The following HERC4 variants were observed in gnomAD, a reference collection of about 807,000 sequenced individuals.
HERC4 encodes HECT and RLD domain containing E3 ubiquitin protein ligase 4, also known as probable E3 ubiquitin-protein ligase HERC4.
In HERC4, 28 loss-of-function variants were observed where a neutral mutation model predicts 124.3. The ratio of observed to expected loss-of-function variants is 0.23; its 90% CI spans 0.17 to 0.31. HERC4 has a LOEUF of 0.31. Ranked by LOEUF, HERC4 falls within the 10% of genes least tolerant of loss-of-function variation. The pLI, the probability that HERC4 is intolerant of heterozygous loss-of-function variation, is 1.00. For synonymous variants in HERC4, 407 were observed against 421.5 expected, an observed-to-expected ratio of 0.97 and a Z score of 0.42; for missense variants, 713 against 1,229.3, an observed-to-expected ratio of 0.58 and a Z score of 6.28.
chr10:68,053,148 T>C (rs1589430383), intron 3 of HERC4, among the ~76,000 whole-genome samples: 1 of 152,182 alleles, frequency 6.6e-6, no homozygotes, highest in Admixed American at 6.5e-5. Context: ...ACCATGAACA[T>C]TGACTTAGCA....
intron 8 of HERC4, among the ~76,000 whole-genome samples, chr10:68,016,478 A>G (rs2038275157): frequency 6.6e-6 from 1 of 152,022 alleles, no homozygotes; most frequent in Non-Finnish European, 1.5e-5. Flanking sequence ...TCAGCCTCCC[A>G]AGTGGCTGGG....
In HERC4 at chr10:68,006,339, T is replaced by C. The variant is rs560313147; in HGVS notation, c.1069+7687A>G. 1.4e-4 allele frequency among the ~76,000 whole-genome samples: 22 copies of C among 152,028 alleles called. No homozygotes were observed. The South Asian group carries it at 4.6e-3, about 32-fold the overall frequency. Reference sequence around the variant, plus strand: ...CATTTCTTATAGTACAGGTCTGCTGTTGATGAAACGCCTCAGCGTTTTTGT... The same window carrying C: ...CATTTCTTATAGTACAGGTCTGCTGCTGATGAAACGCCTCAGCGTTTTTGT... On this transcript the variant is annotated intron_variant, in intron 9 of 24. Transcript: ENST00000373700.
At chr10:67,927,921 TGTCA>T (rs1305797264) in intron 23 of HERC4, among the ~76,000 whole-genome samples, 1 of 152,074 alleles carries the variant, frequency 6.6e-6, no homozygotes, top group East Asian at 1.9e-4. Context: ...AGTAAAATTA[TGTCA>T]AATCCAAAGA....
intron 5 of HERC4, among the ~76,000 whole-genome samples, chr10:68,035,560 G>A (rs1395043917): frequency 6.6e-6 from 1 of 152,128 alleles, no homozygotes; most frequent in Admixed American, 6.5e-5. Flanking sequence ...TAAAAATGCA[G>A]ATTTGATAAT....
chr10:67,934,571 C>T (rs541262361), intron 22 of HERC4, among the ~76,000 whole-genome samples: 2 of 152,246 alleles, frequency 1.3e-5, no homozygotes, highest in South Asian at 4.2e-4. Context: ...AGACAGAACA[C>T]ATCCTCCAGT....
At chr10:68,029,110 CAT>C (rs2039057045) in intron 7 of HERC4, among the ~76,000 whole-genome samples, 1 of 152,008 alleles carries the variant, frequency 6.6e-6, no homozygotes, top group Non-Finnish European at 1.5e-5. Flanking sequence ...AGAATTCGGT[CAT>C]AGCTTCAGTG....
At chr10:68,054,427 C>T (rs2040456044) in intron 3 of HERC4, among the ~76,000 whole-genome samples, 1 of 150,094 alleles carries the variant, frequency 6.7e-6, no homozygotes, top group Non-Finnish European at 1.5e-5. Context: ...AATCTCAGCT[C>T]ACGGCAACCT....
At chr10:68,049,050 G>A (rs1589419626) in intron 3 of HERC4, among the ~76,000 whole-genome samples, 1 of 151,856 alleles carries the variant, frequency 6.6e-6, no homozygotes, top group Non-Finnish European at 1.5e-5. Flanking sequence ...CCAATTCCAG[G>A]AATTTGTTCT....
chr10:68,057,108 A>G (rs2040587018), intron 3 of HERC4, among the ~76,000 whole-genome samples: 3 of 151,552 alleles, frequency 2.0e-5, no homozygotes, highest in Admixed American at 2.0e-4. Flanking sequence ...ACATCCATGT[A>G]ATATATATAT....
At chr10:67,999,774 A>G (rs975890129) in intron 9 of HERC4, among the ~76,000 whole-genome samples, 2 of 152,210 alleles carry the variant, frequency 1.3e-5, no homozygotes, top group Admixed American at 1.3e-4. Flanking sequence ...AAAGTTATCC[A>G]CAATTTCATA....
rs2036592308 is a variant in HERC4, at chr10:67,992,225, A to G, written c.1245T>C (p.Ser415=). 1 of 1,613,932 alleles carries G rather than the reference A, an allele frequency of 6.2e-7. No homozygotes were observed. The highest frequency in any genetic ancestry group is 1.3e-5 in the African/African-American group (1 of 74,938). Residue 415 remains serine (S), a synonymous_variant, in exon 11 of 25, where the codon TCT becomes TCC. Coordinates refer to ENST00000373700, the MANE Select transcript of HERC4 (RefSeq NM_015601.4). ...ALIQKWLSYP[S]GRFPVEIANE... The stretch of plus-strand genomic sequence containing the variant: ...TGGCTATCTCCACAGGAAACCTTCC[A>G]GAAGGATAGCTCAGCCATTTCTGAA...
At chr10:67,926,803 G>C (rs887092820) in intron 23 of HERC4, among the ~76,000 whole-genome samples, 1 of 152,188 alleles carries the variant, frequency 6.6e-6, no homozygotes, top group Non-Finnish European at 1.5e-5. Context: ...ATCTAGCCTA[G>C]ATCAGGCTCC....
intron 21 of HERC4, among the ~76,000 whole-genome samples, chr10:67,939,274 A>G (rs188798159): frequency 5.3e-5 from 8 of 152,350 alleles, no homozygotes; most frequent in African/African-American, 1.7e-4. Context: ...GTATTTGTCA[A>G]TATCTTTAGC....
intron 9 of HERC4, among the ~76,000 whole-genome samples, chr10:67,999,493 T>C (rs996170597): frequency 2.6e-5 from 4 of 152,174 alleles, no homozygotes; most frequent in African/African-American, 9.6e-5. Flanking sequence ...TGTGAAACAA[T>C]GTATACATCA....
intron 22 of HERC4, among the ~76,000 whole-genome samples, chr10:67,934,019 C>T (rs1282442229): frequency 2.6e-5 from 4 of 152,186 alleles, no homozygotes; most frequent in Admixed American, 2.6e-4. Context: ...CTGCACTTCT[C>T]TGCCAGAAAT....
At chr10:67,967,538 G>A (rs930889659) in intron 15 of HERC4, among the ~76,000 whole-genome samples, 28 of 152,082 alleles carry the variant, frequency 1.8e-4, no homozygotes, top group African/African-American at 6.5e-4. Flanking sequence ...GACACGATGT[G>A]AAAAATGAAG....
intron 3 of HERC4, among the ~76,000 whole-genome samples, chr10:68,056,920 A>G (rs934384387): frequency 1.2e-4 from 18 of 152,334 alleles, no homozygotes; most frequent in Admixed American, 1.2e-3. Context: ...CGGGAAAGGA[A>G]AAGATCCTAA....
At chr10:67,950,894 C>G (rs1005900056) in intron 19 of HERC4, among the ~76,000 whole-genome samples, 4 of 152,128 alleles carry the variant, frequency 2.6e-5, no homozygotes, top group African/African-American at 9.7e-5. Flanking sequence ...TTCTAAATAC[C>G]ATTTTCCACT....
chr10:67,998,334 G>A lies in HERC4; in HGVS notation c.1070-5652C>T, dbSNP rs563943197. On this transcript the variant is annotated intron_variant, in intron 9 of 24. Coordinates refer to ENST00000373700, the MANE Select transcript of HERC4 (RefSeq NM_015601.4). The stretch of plus-strand genomic sequence containing the variant: ...AGGCCGAGGCAGGCAGATCACCTGA[G>A]GTCAGGAGTTTGAGAACAGCCTGGC... Among the ~76,000 whole-genome samples, 7 of 151,870 alleles carry A rather than the reference G, an allele frequency of 4.6e-5. No individual in the cohort carries two copies. In the South Asian group the frequency reaches 1.5e-3, roughly 32 times the overall value.
Sources: gnomAD v4.1 joint callset for allele counts (sites outside exome capture counted in the v4.1 genomes callset) on GRCh38, gnomAD v4.1.1 for gene constraint, MANE v1.5 for transcripts, NCBI Gene and HGNC (gene_info 2026-07-23, HGNC 2026-07-21) for gene names.